The following MAST4 variants were observed in gnomAD, a reference collection of about 807,000 sequenced individuals.
The protein encoded by MAST4 is microtubule associated serine/threonine kinase family member 4, also known as microtubule-associated serine/threonine-protein kinase 4.
In MAST4, 89 loss-of-function variants were observed where a neutral mutation model predicts 162.7. The ratio of observed to expected loss-of-function variants is 0.55; its 90% CI spans 0.46 to 0.65. The LOEUF is 0.65. Among genes scored for constraint, MAST4 ranks in the 30% least tolerant of loss-of-function variants. MAST4 has a pLI of 0.00. For missense variants in MAST4, 3,153 were observed against 3,374.0 expected, an observed-to-expected ratio of 0.93 and a Z score of 1.62; for synonymous variants, 1,479 against 1,361.1, an observed-to-expected ratio of 1.09 and a Z score of -1.91.
At chr5:66,650,842 A>G (rs1402441701) in intron 1 of MAST4, among the ~76,000 whole-genome samples, 1 of 152,248 alleles carries the variant, frequency 6.6e-6, no homozygotes, top group African/African-American at 2.4e-5. Flanking sequence ...ACATGTGGTA[A>G]AACCTAGGCT....
At chr5:66,814,580 C>T (rs1359331485) in intron 3 of MAST4, among the ~76,000 whole-genome samples, 2 of 152,114 alleles carry the variant, frequency 1.3e-5, no homozygotes, top group Non-Finnish European at 2.9e-5. Context: ...GTGAAATGCA[C>T]TGATGAAGGT....
intron 1 of MAST4, among the ~76,000 whole-genome samples, chr5:66,698,864 C>G (rs930353208): frequency 1.3e-5 from 2 of 152,212 alleles, no homozygotes; most frequent in African/African-American, 2.4e-5. Context: ...TTTAAACTCT[C>G]CCTCCATGGG....
At position 67,098,026 on chromosome 5, in the gene MAST4, T is replaced by C. The variant is rs540061172; in HGVS notation, c.912+2351T>C. ...AAGCTGAATCACTCTTAGATTCTTA[T>C]TTCCCTGGGTTAACTGTTAGTCATT... On this transcript the variant is annotated intron_variant, in intron 7 of 28. Coordinates refer to ENST00000403625, the MANE Select transcript of MAST4 (RefSeq NM_001164664.2). Among the ~76,000 whole-genome samples, 176 of 152,284 alleles carry C rather than the reference T, an allele frequency of 1.2e-3. 1 individual carries two copies. The highest frequency in any genetic ancestry group is 4.0e-3 in the African/African-American group (165 of 41,580).
chr5:66,788,607 C>CCAACCAAAAA, intron 2 of MAST4, 63 bp from the exon 3 acceptor site: 3 of 1,373,724 alleles, frequency 2.2e-6, no homozygotes, highest in Non-Finnish European at 3.0e-6. Context: ...CCCCCACCCC[C>CCAACCAAAAA]ATTGCAATAA....
chr5:67,028,157 G>T (rs1374914473), intron 4 of MAST4, among the ~76,000 whole-genome samples: 1 of 105,466 alleles, frequency 9.5e-6, no homozygotes, highest in African/African-American at 3.3e-5. Context: ...AACTTTGAGG[G>T]CATCCAGGAG....
chr5:66,802,677 G>T (rs1280114826), intron 3 of MAST4, among the ~76,000 whole-genome samples: 1 of 152,036 alleles, frequency 6.6e-6, no homozygotes, highest in Non-Finnish European at 1.5e-5. Context: ...GGAGTGTGGA[G>T]GATTGTTTTA....
intron 3 of MAST4, among the ~76,000 whole-genome samples, chr5:66,873,587 A>G (rs1761092913): frequency 1.3e-5 from 2 of 152,252 alleles, no homozygotes; most frequent in Non-Finnish European, 2.9e-5. Flanking sequence ...GGTGCAAATA[A>G]TAGACTGGAC....
chr5:67,166,253 G>GA lies in MAST4; in HGVS notation c.7075dup (p.Ser2359LysfsTer18). The GA allele has an allele frequency of 1.9e-6, 3 of 1,552,968 alleles. No homozygotes were observed. Among genetic ancestry groups the GA allele is most frequent in the Non-Finnish European group, 2.6e-6 (3 of 1,147,698 alleles). The stretch of plus-strand genomic sequence containing the variant: ...ACAACAGACAGACAGACAAAAGCCC[G>GA]AGTCAGCCGGCCGCCAACACCGACA... On this transcript the variant is annotated frameshift_variant, in exon 29 of 29. Transcript: ENST00000403625. LOFTEE classifies it low-confidence loss of function (END_TRUNC).
chr5:67,141,194 G>A (rs1236332423), intron 19 of MAST4, among the ~76,000 whole-genome samples: 1 of 152,144 alleles, frequency 6.6e-6, no homozygotes, highest in Non-Finnish European at 1.5e-5. Context: ...ACAAGAAAGA[G>A]GCATTTACTT....
rs1176114648 is a variant in MAST4 at position 66,731,609 on chromosome 5, G to T, written c.364-28100G>T. ...TTTTCTCTTCCAACTTTTTTTTGTT[G>T]TTAACAAAAGGCAGTCTTTTCCTCT... On this transcript the variant is annotated intron_variant, in intron 1 of 28. Coordinates refer to ENST00000403625, the MANE Select transcript of MAST4 (RefSeq NM_001164664.2). Among the ~76,000 whole-genome samples, 3 of 151,624 alleles carry T rather than the reference G, an allele frequency of 2.0e-5. 1 individual carries two copies. In the South Asian group the frequency reaches 6.3e-4, roughly 32 times the overall value.
chr5:66,739,704 G>A (rs989395864), intron 1 of MAST4, among the ~76,000 whole-genome samples: 3 of 152,174 alleles, frequency 2.0e-5, no homozygotes, highest in Admixed American at 6.5e-5. Context: ...ACAAGACACC[G>A]GGATTCAGAG....
rs151140353 is a variant in MAST4, at chr5:66,755,576, G to A, written c.364-4133G>A. Among the ~76,000 whole-genome samples, 230 of 152,186 alleles carry A rather than the reference G, an allele frequency of 1.5e-3. 3 individuals carry two copies. Among genetic ancestry groups the A allele is most frequent in the African/African-American group, 5.4e-3 (223 of 41,538 alleles). On this transcript the variant is annotated intron_variant, in intron 1 of 28. Coordinates refer to ENST00000403625, the MANE Select transcript of MAST4 (RefSeq NM_001164664.2). ...TGCAGATGGTCGTGATGGTGATGGC[G>A]GAGACATTAACAAAAATTAGATCGA...
At chr5:66,708,308 G>A (rs1413253025) in intron 1 of MAST4, among the ~76,000 whole-genome samples, 1 of 152,164 alleles carries the variant, frequency 6.6e-6, no homozygotes, top group Non-Finnish European at 1.5e-5. Context: ...TTCTTGACTA[G>A]TCACATGATA....
chr5:66,982,812 G>A (rs184429495), intron 4 of MAST4, among the ~76,000 whole-genome samples: 2 of 152,274 alleles, frequency 1.3e-5, no homozygotes, highest in Admixed American at 1.3e-4. Context: ...GTGCCTATTT[G>A]CAATTTGTTC....
chr5:66,700,071 A>G (rs138404559), intron 1 of MAST4, among the ~76,000 whole-genome samples: 13 of 152,294 alleles, frequency 8.5e-5, no homozygotes, highest in Admixed American at 4.6e-4. Flanking sequence ...ACTGCAGCCC[A>G]GTGTCTTCTG....
intron 5 of MAST4, among the ~76,000 whole-genome samples, chr5:67,086,674 T>C (rs1482748119): frequency 6.6e-6 from 1 of 152,224 alleles, no homozygotes; most frequent in African/African-American, 2.4e-5. Flanking sequence ...TATAAGCAAG[T>C]GCTGCACATA....
At chr5:66,782,531 C>T (rs1285944262) in intron 2 of MAST4, among the ~76,000 whole-genome samples, 8 of 152,328 alleles carry the variant, frequency 5.3e-5, no homozygotes, top group African/African-American at 1.4e-4. Context: ...AGACCTGACA[C>T]GCTCTTGTAT....
chr5:66,705,977 A>G (rs2149517166), intron 1 of MAST4, among the ~76,000 whole-genome samples: 1 of 152,308 alleles, frequency 6.6e-6, no homozygotes, highest in South Asian at 2.1e-4. Context: ...CCATGGTTAC[A>G]CATGATGTAA....
At chr5:66,691,865 G>A (rs1580209058) in intron 1 of MAST4, among the ~76,000 whole-genome samples, 1 of 152,042 alleles carries the variant, frequency 6.6e-6, no homozygotes, top group Non-Finnish European at 1.5e-5. Flanking sequence ...CTTAGTAATG[G>A]CCATCTCTTC....
Sources: allele counts gnomAD v4.1 joint callset (sites outside exome capture counted in the v4.1 genomes callset), GRCh38; gene constraint gnomAD v4.1.1; transcripts MANE v1.5; gene names NCBI Gene and HGNC (gene_info 2026-07-23, HGNC 2026-07-21).